The following CELF2 variants were observed in gnomAD, a reference collection of about 807,000 sequenced individuals.
CELF2 encodes CUGBP Elav-like family member 2.
CELF2 carries 8 observed loss-of-function variants against 62.6 expected under a neutral mutation model. That is an observed-to-expected ratio of 0.13 (90% confidence interval 0.07 to 0.23). The LOEUF (loss-of-function observed/expected upper bound fraction) is 0.23. Among genes scored for constraint, CELF2 ranks in the 10% least tolerant of loss-of-function variants. The pLI is 1.00. For missense variants in CELF2, 333 were observed against 671.0 expected (o/e 0.50, Z 5.56); for synonymous variants, 258 against 250.0 (o/e 1.03, Z -0.30).
At chr10:10,583,426 A>G in the CELF2 span, among the ~76,000 whole-genome samples, 5 of 152,154 alleles carry the variant, frequency 3.3e-5, no homozygotes, top group Non-Finnish European at 2.9e-5. Context: ...GCTGTTGGCA[A>G]AAACAATATT....
intron 2 of CELF2, among the ~76,000 whole-genome samples, chr10:10,973,947 T>C (rs2051049096): frequency 6.6e-6 from 1 of 152,204 alleles, no homozygotes; most frequent in South Asian, 2.1e-4. Context: ...ACTCCATTTT[T>C]GGTACCTTTC....
intron 1 of CELF2, among the ~76,000 whole-genome samples, chr10:11,025,239 G>GTGTATATATATA (rs61580670): frequency 1.3e-4 from 18 of 141,088 alleles, no homozygotes; most frequent in Admixed American, 3.7e-4. Context: ...GTGTGTGTGT[G>GTGTATATATATA]TATATGTATG....
At chr10:10,649,313 G>A in the CELF2 span, among the ~76,000 whole-genome samples, 2 of 152,142 alleles carry the variant, frequency 1.3e-5, no homozygotes, top group Non-Finnish European at 2.9e-5. Flanking sequence ...CTGTTGCAGA[G>A]GTCAGAAATT....
intron 1 of CELF2, among the ~76,000 whole-genome samples, chr10:11,041,862 A>C (rs2061902717): frequency 6.6e-6 from 1 of 152,208 alleles, no homozygotes; most frequent in Non-Finnish European, 1.5e-5. Flanking sequence ...ATACGAAAGA[A>C]TTGTCAAGAT....
intron 1 of CELF2, among the ~76,000 whole-genome samples, chr10:11,020,216 A>T (rs943118496): frequency 2.6e-5 from 4 of 152,186 alleles, no homozygotes; most frequent in Non-Finnish European, 4.4e-5. Flanking sequence ...TCCAAATGAT[A>T]GCCTTTGGAA....
chr10:10,948,935 C>T (rs2047998066), intron 2 of CELF2, among the ~76,000 whole-genome samples: 1 of 152,106 alleles, frequency 6.6e-6, no homozygotes, highest in Admixed American at 6.6e-5. Context: ...GGTAAGTTTC[C>T]TGCTCCTGAG....
chr10:10,577,848 G>A, the CELF2 span, among the ~76,000 whole-genome samples: 5 of 152,164 alleles, frequency 3.3e-5, no homozygotes, highest in Admixed American at 6.6e-5. Context: ...ATAGCAGCAT[G>A]ATTTATAGTC....
the CELF2 span, among the ~76,000 whole-genome samples, chr10:10,496,590 T>G: frequency 1.3e-5 from 2 of 152,090 alleles, no homozygotes; most frequent in African/African-American, 2.4e-5. Flanking sequence ...AAATAAGTAA[T>G]GCACAGTTCT....
intron 1 of CELF2, among the ~76,000 whole-genome samples, chr10:10,851,802 GCATATT>G (rs1564717746): frequency 5.9e-5 from 9 of 152,076 alleles, no homozygotes; most frequent in Non-Finnish European, 1.2e-4. Context: ...AATCGAGCAG[GCATATT>G]ACCAAAGAAG....
intron 3 of CELF2, among the ~76,000 whole-genome samples, chr10:11,232,238 C>G (rs781033580): frequency 3.9e-5 from 6 of 152,076 alleles, no homozygotes; most frequent in Non-Finnish European, 7.4e-5. Context: ...TGCTGTCTTT[C>G]ATTCTCACAT....
chr10:11,050,486 G>C (rs932362831), intron 1 of CELF2, among the ~76,000 whole-genome samples: 1 of 152,150 alleles, frequency 6.6e-6, no homozygotes, highest in African/African-American at 2.4e-5. Context: ...ATGGAGTGTC[G>C]GTTCTAATTT....
In CELF2 at chr10:11,335,224, G is replaced by A. The variant is rs2096096600; in HGVS notation, c.*6171G>A. Reference sequence around the variant, plus strand: ...AAACTGTTCCTTCTCTGCCCTCAAAGACTGAAGCCGCAGGCCCTGTTCTGC... The same window carrying A: ...AAACTGTTCCTTCTCTGCCCTCAAAAACTGAAGCCGCAGGCCCTGTTCTGC... On this transcript the variant is annotated 3_prime_UTR_variant, in exon 13 of 13. Coordinates refer to ENST00000633077, the MANE Select transcript of CELF2 (RefSeq NM_001326342.2). The surrounding 1 kb of genome is among the most constrained non-coding windows in gnomAD (Gnocchi z 5.0). 6.6e-6 allele frequency: 1 copy of A among 152,432 alleles called. No individual in the cohort carries two copies. Among genetic ancestry groups the A allele is most frequent in the Non-Finnish European group, 1.5e-5 (1 of 68,122 alleles). The allele number at this position is 152,432 out of a possible 1,614,324, so 9.4% of individuals were successfully genotyped here.
chr10:10,999,543 A>G (rs541306461), intron 2 of CELF2, among the ~76,000 whole-genome samples: 7 of 152,266 alleles, frequency 4.6e-5, no homozygotes, highest in African/African-American at 1.2e-4. Flanking sequence ...CAAGGCTGCA[A>G]TGAGCTATGA....
chr10:10,549,812 G>A, the CELF2 span, among the ~76,000 whole-genome samples: 2 of 152,154 alleles, frequency 1.3e-5, no homozygotes, highest in Non-Finnish European at 2.9e-5. Context: ...AGACTTCAAC[G>A]TATGAATTTT....
In CELF2 at chr10:11,334,742, G is replaced by A. The variant is rs2096087434; in HGVS notation, c.*5689G>A. The A allele has an allele frequency of 6.6e-6, 1 of 152,080 alleles. No individual in the cohort carries two copies. The highest frequency in any genetic ancestry group is 2.4e-5 in the African/African-American group (1 of 41,386). The allele number at this position is 152,080 out of a possible 1,614,324, so 9.4% of individuals were successfully genotyped here. On this transcript the variant is annotated 3_prime_UTR_variant, in exon 13 of 13. Transcript: ENST00000633077. Reference sequence around the variant, plus strand: ...AACATACATTCCAAACTGCTGCGGGGTTTCCTCTCCACACCCACGAGGCCA... The same window carrying A: ...AACATACATTCCAAACTGCTGCGGGATTTCCTCTCCACACCCACGAGGCCA...
intron 2 of CELF2, among the ~76,000 whole-genome samples, chr10:10,981,181 AC>A (rs760770472): frequency 5.9e-5 from 9 of 152,172 alleles, no homozygotes; most frequent in Non-Finnish European, 1.3e-4. Flanking sequence ...ATTTCTTCGC[AC>A]TTGGATTCCA....
chr10:11,079,654 A>G (rs1160520378), intron 1 of CELF2, among the ~76,000 whole-genome samples: 2 of 152,062 alleles, frequency 1.3e-5, no homozygotes, highest in African/African-American at 4.8e-5. Flanking sequence ...CTCTGCAGTC[A>G]TGCAGAACTG....
At chr10:11,240,303 A>G (rs35156760) in intron 3 of CELF2, among the ~76,000 whole-genome samples, 52,171 of 152,212 alleles carry the variant, frequency 0.34, 10,614 homozygotes, top group Middle Eastern at 0.47. Flanking sequence ...TGTTCACCCA[A>G]CAATGAGTGG....
Position 11,318,952 on chromosome 10 carries a change from G to A in CELF2, c.1097-2237G>A. On this transcript the variant is annotated intron_variant, in intron 10 of 12. Transcript: ENST00000633077. This position sits in a 1 kb window ranked among gnomAD's most constrained non-coding sequence, Gnocchi z 5.4. Reference sequence around the variant, plus strand: ...AGACAAGGCATCATGGTGGTGCGATGCTGCCCACCCCTCCATGGGAACTTG... The same window carrying A: ...AGACAAGGCATCATGGTGGTGCGATACTGCCCACCCCTCCATGGGAACTTG... The A allele has an allele frequency of 2.1e-6, 1 of 471,162 alleles. No homozygotes were observed. The highest frequency in any genetic ancestry group is 4.4e-6 in the Non-Finnish European group (1 of 227,054). The allele number at this position is 471,162 out of a possible 1,614,324, so 29.2% of individuals were successfully genotyped here.
Sources: allele counts gnomAD v4.1 joint callset (sites outside exome capture counted in the v4.1 genomes callset), GRCh38; gene constraint gnomAD v4.1.1; non-coding constraint Gnocchi (gnomAD v3.1); transcripts MANE v1.5; gene names NCBI Gene and HGNC (gene_info 2026-07-23, HGNC 2026-07-21).